Variants in C4orf51 observed in about 807,000 individuals in gnomAD.
C4orf51 encodes the protein uncharacterized protein C4orf51.
A neutral mutation model predicts 25.2 loss-of-function variants in C4orf51; 25 were observed. The ratio of observed to expected loss-of-function variants is 0.99; its 90% CI spans 0.72 to 1.39. The LOEUF is 1.39. Ranked by LOEUF, C4orf51 falls within the 40% of genes most tolerant of loss-of-function variation. The probability of loss-of-function intolerance (pLI) is 0.00; values close to 1 mark genes in which losing one functional copy is unlikely to be tolerated. For synonymous variants in C4orf51, 100 were observed against 84.5 expected, an observed-to-expected ratio of 1.18 and a Z score of -1.01; for missense variants, 252 against 239.6, an observed-to-expected ratio of 1.05 and a Z score of -0.34.
chr4:145,722,434 A>G (rs1287042762), intron 2 of C4orf51, among the ~76,000 whole-genome samples: 2 of 152,230 alleles, frequency 1.3e-5, no homozygotes, highest in Non-Finnish European at 2.9e-5. Flanking sequence ...AAAAAGTCTG[A>G]CATTTTCTTA....
intron 1 of C4orf51, among the ~76,000 whole-genome samples, chr4:145,685,924 T>C (rs987104243): frequency 2.0e-5 from 3 of 151,826 alleles, no homozygotes; most frequent in African/African-American, 7.3e-5. Flanking sequence ...TAAATCACAA[T>C]GAAAATTAGA....
intron 1 of C4orf51, chr4:145,760,867 C>T: frequency 4.1e-6 from 5 of 1,222,058 alleles, no homozygotes; most frequent in Non-Finnish European, 5.2e-6. Flanking sequence ...AGTCTGAGGT[C>T]GGGGAGGGTG....
intron 5 of C4orf51, 62 bp from the exon 6 acceptor site, chr4:145,732,391 T>C (rs1365986210): frequency 2.0e-6 from 2 of 1,019,080 alleles, no homozygotes; most frequent in African/African-American, 3.2e-5. Context: ...TAATTCCCAA[T>C]TCTGTGGAAA....
intron 2 of C4orf51, among the ~76,000 whole-genome samples, chr4:145,709,674 G>A (rs1287793135): frequency 2.0e-5 from 3 of 152,192 alleles, no homozygotes; most frequent in Non-Finnish European, 4.4e-5. Flanking sequence ...AGGAGAATAG[G>A]CAGCATCAGT....
At position 145,732,316 on chromosome 4, in the gene C4orf51, G is replaced by T. The variant is rs997681409; in HGVS notation, c.502-137G>T. ...TTAAACAGGAAGGTTAAGAGAGATG[G>T]AAGAAAATGCAGGATCAATCCCATC... On this transcript the variant is annotated intron_variant, in intron 5 of 5. Coordinates refer to ENST00000438731, the MANE Select transcript of C4orf51 (RefSeq NM_001080531.3). The T allele has an allele frequency of 1.5e-5, 9 of 594,210 alleles. No individual in the cohort carries two copies. In the African/African-American group the frequency reaches 1.7e-4, roughly 11 times the overall value. 36.8% of individuals were successfully genotyped at this position (594,210 alleles called of 1,614,324 possible).
chr4:145,686,311 G>T (rs542644751), intron 1 of C4orf51, among the ~76,000 whole-genome samples: 6 of 152,302 alleles, frequency 3.9e-5, no homozygotes, highest in African/African-American at 1.2e-4. Flanking sequence ...TGACTAAAAA[G>T]TTCTAGAGAT....
intron 2 of C4orf51, among the ~76,000 whole-genome samples, chr4:145,700,131 G>T: frequency 8.9e-6 from 1 of 112,208 alleles, no homozygotes; most frequent in Non-Finnish European, 1.8e-5. Context: ...TTATCTCTGT[G>T]CCCCAATCCC....
intron 1 of C4orf51, among the ~76,000 whole-genome samples, chr4:145,684,208 C>A (rs533344184): frequency 6.6e-6 from 1 of 152,208 alleles, no homozygotes; most frequent in East Asian, 1.9e-4. Flanking sequence ...ACTGGCCGGG[C>A]ACGGTGGCTC....
rs1400087891 is a variant in C4orf51 at position 145,732,705 on chromosome 4, C to G, written c.*145C>G. The G allele has an allele frequency of 1.2e-5, 6 of 516,724 alleles. No individual in the cohort carries two copies. The allele number at this position is 516,724 out of a possible 1,614,324, so 32.0% of individuals were successfully genotyped here. On this transcript the variant is annotated 3_prime_UTR_variant, in exon 6 of 6. Transcript: ENST00000438731. ...GCAGGTTGGCTTTCTGGGACAATTC[C>G]ATGGGCTTCATTTATCAGTTTTTTC...
intron 1 of C4orf51, among the ~76,000 whole-genome samples, chr4:145,692,293 T>C (rs963823075): frequency 2.0e-5 from 3 of 152,178 alleles, no homozygotes; most frequent in African/African-American, 4.8e-5. Flanking sequence ...AAACATAATG[T>C]TGGGCATTTT....
intron 1 of C4orf51, among the ~76,000 whole-genome samples, chr4:145,766,283 A>G (rs1312996014): frequency 6.6e-6 from 1 of 152,184 alleles, no homozygotes; most frequent in Non-Finnish European, 1.5e-5. Context: ...GACCATTAAA[A>G]TCTAGTGTCA....
chr4:145,696,732 T>C (rs926021563), intron 2 of C4orf51, 100 bp downstream of exon 2: 2 of 891,128 alleles, frequency 2.2e-6, no homozygotes, highest in African/African-American at 1.7e-5. Flanking sequence ...TGAGATATGA[T>C]TGACAAATAA....
the C4orf51 span, among the ~76,000 whole-genome samples, chr4:145,785,476 G>A: frequency 1.3e-5 from 2 of 152,072 alleles, no homozygotes; most frequent in Non-Finnish European, 2.9e-5. Flanking sequence ...GATCCAATTT[G>A]TTCATTTTCA....
the C4orf51 span, among the ~76,000 whole-genome samples, chr4:145,784,579 T>G: frequency 6.6e-6 from 1 of 152,228 alleles, no homozygotes; most frequent in Non-Finnish European, 1.5e-5. Context: ...AGAAAAACCT[T>G]AAAACTTCTT....
chr4:145,749,192 T>A (rs1438172023), intron 1 of C4orf51, among the ~76,000 whole-genome samples: 1 of 151,888 alleles, frequency 6.6e-6, no homozygotes. Flanking sequence ...CTATTTTGTC[T>A]GATATAATTA....
intron 2 of C4orf51, among the ~76,000 whole-genome samples, chr4:145,710,736 G>T (rs1332139008): frequency 6.6e-6 from 1 of 151,322 alleles, no homozygotes. Context: ...ATTTTAGAGA[G>T]ACAGTTAAGC....
chr4:145,691,323 GAA>G (rs1387600919), intron 1 of C4orf51, among the ~76,000 whole-genome samples: 5 of 152,138 alleles, frequency 3.3e-5, no homozygotes, highest in African/African-American at 4.8e-5. Flanking sequence ...AGAGAAAAGG[GAA>G]CATTTATACA....
At chr4:145,702,686 T>C (rs903795150) in intron 2 of C4orf51, among the ~76,000 whole-genome samples, 30 of 152,354 alleles carry the variant, frequency 2.0e-4, no homozygotes, top group African/African-American at 6.7e-4. Flanking sequence ...AGAACTATGC[T>C]GAATCTCCTT....
chr4:145,737,285 T>C (rs562009870), downstream of C4orf51, among the ~76,000 whole-genome samples: 1 of 152,332 alleles, frequency 6.6e-6, no homozygotes, highest in Non-Finnish European at 1.5e-5. Flanking sequence ...TCTTAAAACA[T>C]ATTTTTGTAG....
Sources: allele counts gnomAD v4.1 joint callset (sites outside exome capture counted in the v4.1 genomes callset), GRCh38; gene constraint gnomAD v4.1.1; transcripts MANE v1.5; gene names NCBI Gene and HGNC (gene_info 2026-07-23, HGNC 2026-07-21).